SLC17A1: variants seen among roughly 807,000 people sequenced by gnomAD.
The protein encoded by SLC17A1 is solute carrier family 17 member 1.
SLC17A1 carries 51 observed loss-of-function variants against 53.5 expected under a neutral mutation model. That is an observed-to-expected ratio of 0.95 (90% CI 0.76 to 1.20). SLC17A1 has a LOEUF of 1.20. Ranked by LOEUF, SLC17A1 falls within the 50% of genes most tolerant of loss-of-function variation. The pLI, the probability that SLC17A1 is intolerant of heterozygous loss-of-function variation, is 0.00. For missense variants in SLC17A1, 538 were observed against 568.2 expected (o/e 0.95, Z 0.54); for synonymous variants, 179 against 198.8 (o/e 0.90, Z 0.84).
At chr6:25,738,688 T>TA in the SLC17A1 span, among the ~76,000 whole-genome samples, 1 of 152,062 alleles carries the variant, frequency 6.6e-6, no homozygotes, top group Admixed American at 6.5e-5. Flanking sequence ...ATCTCAACAA[T>TA]AAAAAACCAA....
the SLC17A1 span, among the ~76,000 whole-genome samples, chr6:25,751,835 C>T: frequency 4.7e-5 from 7 of 149,142 alleles, no homozygotes; most frequent in Non-Finnish European, 7.5e-5. Flanking sequence ...TCCACTGTTA[C>T]GGCAGAAGGA....
intron 6 of SLC17A1, among the ~76,000 whole-genome samples, chr6:25,815,172 A>G (rs1466357858): frequency 2.0e-5 from 3 of 148,534 alleles, no homozygotes; most frequent in East Asian, 2.2e-4. Flanking sequence ...AGAGAAAGAG[A>G]AAAAAAAGAA....
chr6:25,726,070 C>T, the SLC17A1 span: 23 of 1,424,548 alleles, frequency 1.6e-5, no homozygotes, highest in South Asian at 8.9e-5. Flanking sequence ...CGGTAGGTGG[C>T]TCTGAAAAGA....
At chr6:25,726,490 G>C in the SLC17A1 span, 1 of 1,612,552 alleles carries the variant, frequency 6.2e-7, no homozygotes, top group South Asian at 1.1e-5. Flanking sequence ...CTTAGACTTG[G>C]CGCGTGCTTT....
the SLC17A1 span, among the ~76,000 whole-genome samples, chr6:25,757,964 T>C: frequency 6.6e-6 from 1 of 152,182 alleles, no homozygotes; most frequent in African/African-American, 2.4e-5. Flanking sequence ...GATTGTAAAC[T>C]GGATTTTTCC....
At chr6:25,769,213 C>G in the SLC17A1 span, 1 of 1,588,976 alleles carries the variant, frequency 6.3e-7, no homozygotes, top group Admixed American at 1.7e-5. Context: ...AGACTCTGGA[C>G]TCTTTCTTTG....
chr6:25,822,870 T>C (rs1029774512), intron 3 of SLC17A1, among the ~76,000 whole-genome samples: 3 of 152,112 alleles, frequency 2.0e-5, no homozygotes, highest in Non-Finnish European at 4.4e-5. Context: ...ACTGTATCTA[T>C]ATATATATTT....
At chr6:25,727,119 A>G in the SLC17A1 span, 10 of 1,614,216 alleles carry the variant, frequency 6.2e-6, no homozygotes, top group East Asian at 2.2e-5. Context: ...CGTCACTGAT[A>G]TCTTTGAGCG....
chr6:25,792,644 A>G (rs1763526840), intron 12 of SLC17A1, among the ~76,000 whole-genome samples: 1 of 152,182 alleles, frequency 6.6e-6, no homozygotes, highest in Admixed American at 6.5e-5. Flanking sequence ...TTTCAATTTA[A>G]TGTGGACAAA....
chr6:25,785,367 G>A (rs1188749973), intron 12 of SLC17A1, among the ~76,000 whole-genome samples: 2 of 152,018 alleles, frequency 1.3e-5, no homozygotes, highest in African/African-American at 2.4e-5. Flanking sequence ...ACAACTCTTA[G>A]AAGAAAACTT....
At chr6:25,755,819 C>A in the SLC17A1 span, among the ~76,000 whole-genome samples, 3 of 152,182 alleles carry the variant, frequency 2.0e-5, no homozygotes, top group Non-Finnish European at 2.9e-5. Flanking sequence ...TCCTCTGGAA[C>A]CTGTTGCCCT....
chr6:25,813,677 A>G (rs1764239718), intron 6 of SLC17A1, among the ~76,000 whole-genome samples: 1 of 152,190 alleles, frequency 6.6e-6, no homozygotes, highest in Non-Finnish European at 1.5e-5. Context: ...TCACCCAGGT[A>G]TTAAGCCTAG....
At chr6:25,831,078 A>G (rs896725470) in intron 1 of SLC17A1, among the ~76,000 whole-genome samples, 3 of 152,184 alleles carry the variant, frequency 2.0e-5, no homozygotes, top group African/African-American at 7.2e-5. Context: ...GAGCTGGAAG[A>G]TACTATCTGC....
the SLC17A1 span, among the ~76,000 whole-genome samples, chr6:25,729,868 C>A: frequency 6.6e-6 from 1 of 152,094 alleles, no homozygotes; most frequent in Admixed American, 6.6e-5. Context: ...AAAGCTCCAA[C>A]ATTCAAAACT....
chr6:25,819,159 T>A lies in SLC17A1; in HGVS notation c.530-5A>T, dbSNP rs1336830842. On this transcript the variant is annotated splice_polypyrimidine_tract_variant and splice_region_variant and intron_variant, in intron 5 of 12. Coordinates refer to ENST00000244527, the MANE Select transcript of SLC17A1 (RefSeq NM_005074.5). ...TAAAGGGTCCCAGCAAAAACCCTAA[T>A]CAGTAGGTACAAAGAACACCCCTAA... The A allele has an allele frequency of 6.3e-7, 1 of 1,596,466 alleles. No individual in the cohort carries two copies. The highest frequency in any genetic ancestry group is 8.5e-7 in the Non-Finnish European group (1 of 1,171,176).
the SLC17A1 span, among the ~76,000 whole-genome samples, chr6:25,744,004 G>A: frequency 6.6e-6 from 1 of 152,178 alleles, no homozygotes; most frequent in Non-Finnish European, 1.5e-5. Flanking sequence ...TCCATGCAGA[G>A]AAAAGGGCAA....
chr6:25,770,985 G>T, the SLC17A1 span: 1 of 1,613,886 alleles, frequency 6.2e-7, no homozygotes. Context: ...CCAGACCATA[G>T]GATGGCCTTA....
chr6:25,726,106 G>A, the SLC17A1 span: 3 of 1,501,710 alleles, frequency 2.0e-6, no homozygotes, highest in Non-Finnish European at 2.7e-6. Flanking sequence ...TGACACAGAA[G>A]TCTTTTTACC....
chr6:25,815,849 G>A (rs1764332877), intron 6 of SLC17A1, among the ~76,000 whole-genome samples: 1 of 151,270 alleles, frequency 6.6e-6, no homozygotes, highest in African/African-American at 2.4e-5. Context: ...GTAGATAACT[G>A]CCCGGTAGCA....
Sources: gnomAD v4.1 joint callset for allele counts (sites outside exome capture counted in the v4.1 genomes callset) on GRCh38, gnomAD v4.1.1 for gene constraint, MANE v1.5 for transcripts, NCBI Gene and HGNC (gene_info 2026-07-23, HGNC 2026-07-21) for gene names.